The following SLC24A3 variants were observed in gnomAD, a reference collection of about 807,000 sequenced individuals.
SLC24A3 encodes sodium/potassium/calcium exchanger 3.
In SLC24A3, 28 loss-of-function variants were observed where a neutral mutation model predicts 75.8. The ratio of observed to expected loss-of-function variants is 0.37; its 90% CI spans 0.27 to 0.51. The LOEUF is 0.51. SLC24A3 is among the 20% of genes least tolerant of loss of function. The pLI is 0.94. For synonymous variants in SLC24A3, 372 were observed against 334.1 expected, an observed-to-expected ratio of 1.11 and a Z score of -1.24; for missense variants, 663 against 847.8, an observed-to-expected ratio of 0.78 and a Z score of 2.71.
intron 2 of SLC24A3, among the ~76,000 whole-genome samples, chr20:19,513,943 C>T (rs1178325187): frequency 6.6e-6 from 1 of 152,074 alleles, no homozygotes; most frequent in African/African-American, 2.4e-5. Context: ...TAGATCCATC[C>T]TCTTCGCAAG....
At chr20:19,308,462 C>T (rs1030132473) in intron 2 of SLC24A3, among the ~76,000 whole-genome samples, 2 of 152,172 alleles carry the variant, frequency 1.3e-5, no homozygotes, top group Non-Finnish European at 2.9e-5. Context: ...AGTCTGCCTC[C>T]GCAGTCCTCA....
chr20:19,363,261 C>T (rs1161798871), intron 2 of SLC24A3, among the ~76,000 whole-genome samples: 1 of 152,174 alleles, frequency 6.6e-6, no homozygotes, highest in Non-Finnish European at 1.5e-5. Flanking sequence ...CCCTTTTGTT[C>T]CCCTTTTTTG....
chr20:19,425,302 C>CAA (rs11474288), intron 2 of SLC24A3, among the ~76,000 whole-genome samples: 25,840 of 147,256 alleles, frequency 0.18, 4,138 homozygotes, highest in East Asian at 0.76. Context: ...GACTCCGTCT[C>CAA]AAAAAAAAAA....
chr20:19,527,059 C>A (rs7261429), intron 3 of SLC24A3, among the ~76,000 whole-genome samples: 15,139 of 152,136 alleles, frequency 0.1, 833 homozygotes, highest in South Asian at 0.1. Flanking sequence ...CAAGAAATCC[C>A]AGTTCCTGCC....
intron 15 of SLC24A3, among the ~76,000 whole-genome samples, chr20:19,710,606 T>G (rs2032977222): frequency 6.6e-6 from 1 of 152,242 alleles, no homozygotes; most frequent in Non-Finnish European, 1.5e-5. Context: ...TGGCACTTAA[T>G]GTTCCTTGCG....
rs574623644 is a variant in SLC24A3, at chr20:19,637,537, T to C, written c.613-16525T>C. Among the ~76,000 whole-genome samples, 32 of 152,322 alleles carry C rather than the reference T, an allele frequency of 2.1e-4. 2 individuals are homozygous for C. The East Asian group carries it at 4.2e-3, about 20-fold the overall frequency. ...AGCACATTGAATCCATACAAAAATA[T>C]TATGTTCCTAGCACACTATTTGGCT... is the stretch of plus-strand genomic sequence containing the variant. On this transcript the variant is annotated intron_variant, in intron 6 of 16. Transcript: ENST00000328041.
intron 4 of SLC24A3, among the ~76,000 whole-genome samples, chr20:19,581,079 T>C (rs1360103337): frequency 1.1e-4 from 17 of 152,186 alleles, no homozygotes; most frequent in African/African-American, 4.1e-4. Flanking sequence ...GATACTTAAA[T>C]AAATAAAAAG....
intron 6 of SLC24A3, among the ~76,000 whole-genome samples, chr20:19,648,051 T>C (rs943560569): frequency 4.6e-5 from 7 of 152,230 alleles, no homozygotes; most frequent in South Asian, 2.1e-4. Context: ...CCATTTTCGA[T>C]AGTGAACTTC....
At chr20:19,680,939 G>A (rs1269557723) in intron 9 of SLC24A3, among the ~76,000 whole-genome samples, 1 of 152,224 alleles carries the variant, frequency 6.6e-6, no homozygotes, top group African/African-American at 2.4e-5. Flanking sequence ...TGGGAGGCCG[G>A]AGGTCAAACT....
chr20:19,648,749 G>A (rs2032166873), intron 6 of SLC24A3, among the ~76,000 whole-genome samples: 1 of 152,170 alleles, frequency 6.6e-6, no homozygotes. Context: ...TTTTAAAAGT[G>A]TGAATTATTT....
intron 6 of SLC24A3, among the ~76,000 whole-genome samples, chr20:19,642,771 C>T (rs2032090855): frequency 6.6e-6 from 1 of 152,146 alleles, no homozygotes; most frequent in African/African-American, 2.4e-5. Flanking sequence ...ATATTCAGCT[C>T]CTTAAGGAAG....
chr20:19,553,213 CTGTG>C (rs902737313), intron 3 of SLC24A3, among the ~76,000 whole-genome samples: 4 of 152,036 alleles, frequency 2.6e-5, no homozygotes, highest in Non-Finnish European at 4.4e-5. Flanking sequence ...GTGCACACCT[CTGTG>C]TGCACATCTC....
At chr20:19,345,456 A>G (rs536213389) in intron 2 of SLC24A3, among the ~76,000 whole-genome samples, 1 of 152,314 alleles carries the variant, frequency 6.6e-6, no homozygotes, top group South Asian at 2.1e-4. Context: ...ACAATACTGA[A>G]GAAGAACAAA....
intron 3 of SLC24A3, among the ~76,000 whole-genome samples, chr20:19,563,457 TG>T (rs1391353655): frequency 6.6e-6 from 1 of 152,168 alleles, no homozygotes; most frequent in African/African-American, 2.4e-5. Context: ...ACTATGCTTG[TG>T]CCAGGGGAAA....
intron 1 of SLC24A3, among the ~76,000 whole-genome samples, chr20:19,266,486 C>T (rs1983169638): frequency 6.6e-6 from 1 of 152,194 alleles, no homozygotes; most frequent in South Asian, 2.1e-4. Flanking sequence ...AGACTGATTT[C>T]CTGCCCTGTT....
At chr20:19,343,398 G>A (rs1985319790) in intron 2 of SLC24A3, among the ~76,000 whole-genome samples, 1 of 152,192 alleles carries the variant, frequency 6.6e-6, no homozygotes, top group Non-Finnish European at 1.5e-5. Context: ...AAAGGACCAA[G>A]GTATGGGGGA....
chr20:19,303,924 A>T (rs1320791997), intron 2 of SLC24A3, among the ~76,000 whole-genome samples: 1 of 152,156 alleles, frequency 6.6e-6, no homozygotes, highest in African/African-American at 2.4e-5. Flanking sequence ...AGCAATAGAC[A>T]GGTCAAGTAT....
At chr20:19,390,541 C>A (rs1363470478) in intron 2 of SLC24A3, among the ~76,000 whole-genome samples, 2 of 151,944 alleles carry the variant, frequency 1.3e-5, no homozygotes, top group African/African-American at 4.8e-5. Flanking sequence ...GGCACTGGGG[C>A]AGGCCTGGAG....
At chr20:19,297,168 A>G (rs1284616629) in intron 2 of SLC24A3, among the ~76,000 whole-genome samples, 1 of 152,160 alleles carries the variant, frequency 6.6e-6, no homozygotes, top group Non-Finnish European at 1.5e-5. Flanking sequence ...AATCCATGCT[A>G]TTTTAGTAGA....
Sources: gnomAD v4.1 joint callset for allele counts (sites outside exome capture counted in the v4.1 genomes callset) on GRCh38, gnomAD v4.1.1 for gene constraint, MANE v1.5 for transcripts, NCBI Gene and HGNC (gene_info 2026-07-23, HGNC 2026-07-21) for gene names.